Variants in RBM26 observed in about 807,000 individuals in gnomAD.
RBM26 encodes the protein RNA-binding protein 26.
Under a neutral mutation model 123.6 loss-of-function variants are expected in RBM26, and 30 were observed. That is an observed-to-expected ratio of 0.24 (90% CI 0.18 to 0.33). The LOEUF is 0.33. Ranked by LOEUF, RBM26 falls within the 10% of genes least tolerant of loss-of-function variation. The pLI, the probability that RBM26 is intolerant of heterozygous loss-of-function variation, is 1.00. For missense variants in RBM26, 947 were observed against 1,203.6 expected, an observed-to-expected ratio of 0.79 and a Z score of 3.15; for synonymous variants, 400 against 404.4, an observed-to-expected ratio of 0.99 and a Z score of 0.13.
In RBM26 at chr13:79,334,379, C is replaced by T; in HGVS notation, c.2785G>A (p.Val929Ile). Residue 929 changes from valine (V) to isoleucine (I), a missense_variant, in exon 20 of 22, where the codon GTA becomes ATA. By Grantham distance (29) the Val-to-Ile change is conservative. This residue lies in a region of RBM26 where 164 missense variants were observed against 215.3 expected (regional missense o/e 0.76). Coordinates refer to ENST00000438737, the MANE Select transcript of RBM26 (RefSeq NM_001366735.2). ...TCTGCTCTTGTCTTGAATGTAATTACTGCATGAAGTGAGGAATCATCAATC... is the reference window on the plus strand; with the variant it reads ...TCTGCTCTTGTCTTGAATGTAATTATTGCATGAAGTGAGGAATCATCAATC... ...CQIDDSSLHA[V>I]ITFKTRAEAE... The T allele has an allele frequency of 6.4e-7, 1 of 1,568,886 alleles. No homozygotes were observed. The highest frequency in any genetic ancestry group is 8.6e-7 in the Non-Finnish European group (1 of 1,158,154).
Position 79,406,135 on chromosome 13 carries a change from G to T in RBM26, c.-361C>A. 1 of 179,436 alleles carries T rather than the reference G, an allele frequency of 5.6e-6. No homozygotes were observed. The highest frequency in any genetic ancestry group is 1.2e-5 in the Non-Finnish European group (1 of 85,782). The allele number at this position is 179,436 out of a possible 1,614,324, so 11.1% of individuals were successfully genotyped here. A position where few individuals can be genotyped will look rare whatever the true frequency, so the allele number is the denominator to read the frequency against. On this transcript the variant is annotated 5_prime_UTR_variant, in exon 1 of 22. Transcript: ENST00000438737. ...TCGGGACCAGGTGCTTGTTGGCTAC[G>T]TCGAAAAGGCAAAAGTAAAGAAAGC...
chr13:79,355,347 T>C lies in RBM26; in HGVS notation c.1727A>G (p.Gln576Arg), dbSNP rs1484577481. The stretch of plus-strand genomic sequence containing the variant: ...CTTTGCTTCTTCGTATGTTGCAAAT[T>C]GGATTAGGGCACCTTCAGGATCACC... ...YNGDPEGALIQFATYEEAKKA... is the reference protein window; with the variant it reads ...YNGDPEGALIRFATYEEAKKA... The change falls in exon 12 of 22, where the codon CAA (glutamine) becomes CGA (arginine). Residue 576 changes from glutamine to arginine, a missense_variant. By Grantham distance (43) the Gln-to-Arg change is conservative. Around this residue, in one of 5 missense-constraint regions of RBM26, gnomAD observed 493 missense variants for 563.1 expected, o/e 0.88. Coordinates refer to ENST00000438737, the MANE Select transcript of RBM26 (RefSeq NM_001366735.2). 6 of 1,613,898 alleles carry C rather than the reference T, an allele frequency of 3.7e-6. No individual in the cohort carries two copies. Among genetic ancestry groups the C allele is most frequent in the Non-Finnish European group, 5.1e-6 (6 of 1,179,840 alleles).
intron 1 of RBM26, among the ~76,000 whole-genome samples, chr13:79,391,512 C>T (rs1469907973): frequency 6.6e-6 from 1 of 152,154 alleles, no homozygotes; most frequent in Non-Finnish European, 1.5e-5. Context: ...CAACCACCAC[C>T]TCCTGGGTTC....
chr13:79,314,201 T>C (rs1471154297), downstream of RBM26: 1 of 151,754 alleles, frequency 6.6e-6, no homozygotes, highest in African/African-American at 2.4e-5. Context: ...AAAACTAGTC[T>C]TTACCAATGT....
chr13:79,366,289 T>G (rs1056853055), intron 7 of RBM26, 94 bp from the exon 8 acceptor site: 12 of 1,303,330 alleles, frequency 9.2e-6, no homozygotes, highest in Middle Eastern at 2.5e-4. Flanking sequence ...TTTATCAAAC[T>G]ATAATATCTA....
intron 1 of RBM26, among the ~76,000 whole-genome samples, chr13:79,403,351 G>C (rs1489522409): frequency 6.6e-6 from 1 of 152,150 alleles, no homozygotes; most frequent in Non-Finnish European, 1.5e-5. Context: ...AATGACTGCA[G>C]TGCTACAGCC....
At chr13:79,330,824 A>C (rs2069180920) in intron 20 of RBM26, among the ~76,000 whole-genome samples, 1 of 152,164 alleles carries the variant, frequency 6.6e-6, no homozygotes, top group Admixed American at 6.6e-5. Flanking sequence ...AGTTCAATGC[A>C]CATGGCTACT....
chr13:79,319,948 G>GTTTTT lies in RBM26; in HGVS notation c.*672_*673insAAAAA, dbSNP rs1491261668. Reference sequence around the variant, plus strand: ...TTTTAAATCAAGGAACATTGTCTTGGCTTTTTTTTTTTTTTTTTTTTTGTC... The same window carrying GTTTTT: ...TTTTAAATCAAGGAACATTGTCTTGGTTTTTCTTTTTTTTTTTTTTTTTTTTTGTC... On this transcript the variant is annotated 3_prime_UTR_variant, in exon 22 of 22. Coordinates refer to ENST00000438737, the MANE Select transcript of RBM26 (RefSeq NM_001366735.2). The GTTTTT allele has an allele frequency of 2.3e-6, 1 of 437,926 alleles. No individual in the cohort carries two copies. The highest frequency in any genetic ancestry group is 2.5e-6 in the Non-Finnish European group (1 of 395,954). 27.1% of individuals were successfully genotyped at this position (437,926 alleles called of 1,614,324 possible).
chr13:79,352,219 C>G (rs1345036583), intron 14 of RBM26, among the ~76,000 whole-genome samples: 1 of 152,090 alleles, frequency 6.6e-6, no homozygotes, highest in Non-Finnish European at 1.5e-5. Context: ...GCAGCTATCT[C>G]ACTGATGCAT....
At chr13:79,404,593 C>G (rs2079352526) in intron 1 of RBM26, among the ~76,000 whole-genome samples, 2 of 152,184 alleles carry the variant, frequency 1.3e-5, no homozygotes. Flanking sequence ...GCCACAGTGG[C>G]CTTTCTCTTC....
intron 1 of RBM26, among the ~76,000 whole-genome samples, chr13:79,386,666 T>G (rs1391756819): frequency 1.3e-5 from 2 of 149,480 alleles, no homozygotes; most frequent in African/African-American, 4.9e-5. Context: ...GGGTTTTTTT[T>G]TTTTTAATTC....
intron 1 of RBM26, among the ~76,000 whole-genome samples, chr13:79,400,041 A>C (rs2078931672): frequency 6.6e-6 from 1 of 152,234 alleles, no homozygotes; most frequent in South Asian, 2.1e-4. Context: ...TTTGGAATCC[A>C]TTAACAAGCT....
rs2075831516 is a variant in RBM26, at chr13:79,371,101, G to A, written c.478C>T (p.Pro160Ser). 1 of 1,614,126 alleles carries A rather than the reference G, an allele frequency of 6.2e-7. No homozygotes were observed. The highest frequency in any genetic ancestry group is 8.5e-7 in the Non-Finnish European group (1 of 1,180,022). Residue 160 changes from proline (P) to serine (S), a missense_variant, in exon 5 of 22, where the codon CCT becomes TCT. Coordinates refer to ENST00000438737, the MANE Select transcript of RBM26 (RefSeq NM_001366735.2). ...SRKRDYDRNP[P>S]RRDSYRDRYN... ...CGGTCTCTGTATGAATCTCTTCGAG[G>A]AGGGTTTCGATCATAATCTCTTTTG... is the stretch of plus-strand genomic sequence containing the variant.
In RBM26 at chr13:79,374,951, C is replaced by T. The variant is rs1045330085; in HGVS notation, c.327+2428G>A. 4.0e-5 allele frequency among the ~76,000 whole-genome samples: 6 copies of T among 150,314 alleles called. No homozygotes were observed. The South Asian group carries it at 6.2e-4, about 16-fold the overall frequency. On this transcript the variant is annotated intron_variant, in intron 3 of 21. Coordinates refer to ENST00000438737, the MANE Select transcript of RBM26 (RefSeq NM_001366735.2). ...ACTAACTCGATTTAGGGGAAGACTA[C>T]TCAAGCCAAGGGACTGTGATTTACT...
intron 14 of RBM26, 120 bp from the exon 15 acceptor site, chr13:79,344,914 A>C: frequency 1.2e-6 from 1 of 851,158 alleles, no homozygotes; most frequent in East Asian, 2.8e-5. Flanking sequence ...CACTGAACTA[A>C]ATGTATTTTA....
intron 1 of RBM26, among the ~76,000 whole-genome samples, chr13:79,396,748 CA>C (rs1414038351): frequency 2.0e-5 from 3 of 152,118 alleles, no homozygotes. Flanking sequence ...TTAATATTAT[CA>C]AATCTACCAT....
rs202234822 is a variant in RBM26, at chr13:79,395,900, G to GA, written c.71+9803dup. ...TAAATATAAAGTCTCAGAAAAAGAG[G>GA]AAAAAAAAATGGGGCAGAAAAATTT... On this transcript the variant is annotated intron_variant, in intron 1 of 21. Transcript: ENST00000438737. Among the ~76,000 whole-genome samples, 614 of 149,902 alleles carry GA rather than the reference G, an allele frequency of 4.1e-3. 6 individuals carry two copies. Among genetic ancestry groups the GA allele is most frequent in the African/African-American group, 0.013 (539 of 40,762 alleles).
Position 79,321,492 on chromosome 13 carries a change from A to G in RBM26, c.2935-782T>C, listed in dbSNP as rs539017996. On this transcript the variant is annotated intron_variant, in intron 21 of 21. Coordinates refer to ENST00000438737, the MANE Select transcript of RBM26 (RefSeq NM_001366735.2). ...TATTTATTAACTTAAACTTTTTCCT[A>G]AAGTTTATTTTGTGATTAAGTAAGA... Among the ~76,000 whole-genome samples the G allele has an allele frequency of 2.1e-4, 32 of 151,450 alleles. No homozygotes were observed. In the South Asian group the frequency reaches 3.1e-3, roughly 15 times the overall value.
At chr13:79,331,762 A>C (rs2069459030) in intron 20 of RBM26, among the ~76,000 whole-genome samples, 1 of 152,240 alleles carries the variant, frequency 6.6e-6, no homozygotes, top group African/African-American at 2.4e-5. Flanking sequence ...ACAAAGGTAC[A>C]GTAACAATTC....
Sources: gnomAD v4.1 joint callset for allele counts (sites outside exome capture counted in the v4.1 genomes callset) on GRCh38, gnomAD v4.1.1 for gene constraint, gnomAD v4.1.1 regional missense constraint, MANE v1.5 for transcripts, NCBI Gene and HGNC (gene_info 2026-07-23, HGNC 2026-07-21) for gene names.